Variants in NAALADL2 observed in about 807,000 individuals in gnomAD.
NAALADL2 encodes inactive N-acetylated-alpha-linked acidic dipeptidase-like protein 2.
Under a neutral mutation model 87.2 loss-of-function variants are expected in NAALADL2, and 76 were observed. The observed-to-expected ratio is 0.87, with a 90% CI of 0.72 to 1.05. The LOEUF (loss-of-function observed/expected upper bound fraction) is 1.05. NAALADL2 is among the 50% of genes least tolerant of loss of function. The probability of loss-of-function intolerance (pLI) is 0.00; values close to 1 mark genes in which losing one functional copy is unlikely to be tolerated. For missense variants in NAALADL2, 1,089 were observed against 945.8 expected, an observed-to-expected ratio of 1.15 and a Z score of -1.99; for synonymous variants, 354 against 331.0, an observed-to-expected ratio of 1.07 and a Z score of -0.75.
At chr3:175,016,965 A>AT (rs748980346) in intron 1 of NAALADL2, among the ~76,000 whole-genome samples, 6 of 151,948 alleles carry the variant, frequency 3.9e-5, no homozygotes, top group Admixed American at 2.0e-4. Flanking sequence ...ACAATAGATT[A>AT]TTTTTTACTA....
chr3:174,804,216 A>G lies in NAALADL2; in HGVS notation c.-9+66470A>G, dbSNP rs1719190977. Among the ~76,000 whole-genome samples, 8 of 152,084 alleles carry G rather than the reference A, an allele frequency of 5.3e-5. No individual in the cohort carries two copies. The South Asian group carries it at 1.7e-3, about 32-fold the overall frequency. On this transcript the variant is annotated intron_variant, in intron 3 of 3. Transcript: ENST00000434257. ...TGTAAGTTGTATTCCTAGGTATTTT[A>G]TTATCTTTGTAGTAATTGTGAATGG...
At chr3:174,539,878 G>C (rs1722058381) in intron 1 of NAALADL2, among the ~76,000 whole-genome samples, 1 of 144,688 alleles carries the variant, frequency 6.9e-6, no homozygotes, top group Non-Finnish European at 1.5e-5. Context: ...AAGATGCCAA[G>C]AGACATAGAG....
At chr3:174,469,303 G>A (rs1323712701) in intron 1 of NAALADL2, among the ~76,000 whole-genome samples, 3 of 151,426 alleles carry the variant, frequency 2.0e-5, no homozygotes, top group Non-Finnish European at 2.9e-5. Flanking sequence ...TGTCGCCCAG[G>A]CTGTAGTGCA....
intron 11 of NAALADL2, among the ~76,000 whole-genome samples, chr3:175,722,286 G>A (rs927514108): frequency 2.0e-5 from 3 of 152,036 alleles, no homozygotes; most frequent in Non-Finnish European, 2.9e-5. Flanking sequence ...AATTATAAAT[G>A]TATATTTAAG....
intron 2 of NAALADL2, among the ~76,000 whole-genome samples, chr3:175,191,147 G>A (rs963438066): frequency 2.0e-5 from 3 of 151,856 alleles, no homozygotes; most frequent in African/African-American, 7.3e-5. Flanking sequence ...AAGGAGGGAG[G>A]GCTAACTATG....
At chr3:175,352,761 A>T (rs1763912737) in intron 5 of NAALADL2, among the ~76,000 whole-genome samples, 1 of 152,208 alleles carries the variant, frequency 6.6e-6, no homozygotes, top group Non-Finnish European at 1.5e-5. Context: ...TAATAGATTT[A>T]AAAGAAAATA....
intron 12 of NAALADL2, among the ~76,000 whole-genome samples, chr3:175,742,126 T>C (rs562315683): frequency 2.0e-5 from 3 of 152,294 alleles, no homozygotes; most frequent in Non-Finnish European, 4.4e-5. Flanking sequence ...CCATCAGATA[T>C]GCATTTGTCT....
At chr3:174,979,432 A>T (rs1290700978) in intron 1 of NAALADL2, among the ~76,000 whole-genome samples, 1 of 150,356 alleles carries the variant, frequency 6.7e-6, no homozygotes, top group East Asian at 2.0e-4. Context: ...CAGTCTCCCA[A>T]GTAGCTGGGA....
At chr3:175,102,919 C>A (rs927488444) in intron 2 of NAALADL2, among the ~76,000 whole-genome samples, 9 of 151,978 alleles carry the variant, frequency 5.9e-5, no homozygotes, top group Non-Finnish European at 1.3e-4. Context: ...ACCATCCTGG[C>A]CAACATGGTG....
At chr3:174,710,629 T>C (rs551492213) in intron 2 of NAALADL2, among the ~76,000 whole-genome samples, 2 of 152,210 alleles carry the variant, frequency 1.3e-5, no homozygotes, top group South Asian at 2.1e-4. Context: ...ACAAGAAAGA[T>C]TTCAGGCAAA....
intron 2 of NAALADL2, among the ~76,000 whole-genome samples, chr3:174,584,821 G>T (rs532796999): frequency 1.5e-4 from 23 of 152,182 alleles, no homozygotes; most frequent in African/African-American, 5.3e-4. Context: ...ATTTCCCTTA[G>T]AACACAGTTC....
Position 175,234,162 on chromosome 3 carries a change from G to T in NAALADL2, c.777G>T (p.Leu259=), listed in dbSNP as rs745327025. ...CCAGAAAAGATAGCAGCCAAGACCT[G>T]CTCTATTCATATGCAGCCTATTCTG... The part of the protein sequence containing the change: ...EEARKDSSQD[L]LYSYAAYSAK... Residue 259 remains leucine, a synonymous_variant, in exon 3 of 14, where the codon CTG becomes CTT. Coordinates refer to ENST00000454872, the MANE Select transcript of NAALADL2 (RefSeq NM_207015.3). 1.9e-6 allele frequency: 3 copies of T among 1,613,828 alleles called. No individual in the cohort carries two copies. In the South Asian group the frequency reaches 3.3e-5, roughly 18 times the overall value.
intron 11 of NAALADL2, among the ~76,000 whole-genome samples, chr3:175,672,864 T>A (rs1014186239): frequency 2.4e-4 from 37 of 152,220 alleles, no homozygotes; most frequent in African/African-American, 7.7e-4. Flanking sequence ...CAATTTTGTG[T>A]AATTTATAAG....
At chr3:175,570,662 C>T (rs989575213) in intron 9 of NAALADL2, among the ~76,000 whole-genome samples, 1 of 151,994 alleles carries the variant, frequency 6.6e-6, no homozygotes, top group African/African-American at 2.4e-5. Flanking sequence ...GGGCGGATCA[C>T]GAGGTCAGGA....
chr3:174,527,004 A>G (rs1270635730), intron 1 of NAALADL2, among the ~76,000 whole-genome samples: 4 of 152,146 alleles, frequency 2.6e-5, no homozygotes, highest in African/African-American at 9.7e-5. Context: ...GTTTATCACT[A>G]AAATAACTTA....
chr3:175,105,157 A>G (rs1219676356), intron 2 of NAALADL2, among the ~76,000 whole-genome samples: 1 of 152,072 alleles, frequency 6.6e-6, no homozygotes, highest in Admixed American at 6.6e-5. Flanking sequence ...TGGAAATCTC[A>G]TTGATATCCC....
intron 11 of NAALADL2, among the ~76,000 whole-genome samples, chr3:175,670,646 A>G (rs1733878423): frequency 6.7e-6 from 1 of 149,308 alleles, no homozygotes. Context: ...TTCCTGCACC[A>G]ACAGGAATTT....
intron 11 of NAALADL2, among the ~76,000 whole-genome samples, chr3:175,682,920 C>T (rs961439948): frequency 6.6e-6 from 1 of 151,550 alleles, no homozygotes; most frequent in Admixed American, 6.6e-5. Context: ...AATGTCATAC[C>T]CTTGGGGAAA....
chr3:174,947,661 T>C, intron 1 of NAALADL2, among the ~76,000 whole-genome samples: 1 of 152,134 alleles, frequency 6.6e-6, no homozygotes, highest in South Asian at 2.1e-4. Flanking sequence ...AATCTTTTAT[T>C]TTTTTTCTTT....
Sources: allele counts gnomAD v4.1 joint callset (sites outside exome capture counted in the v4.1 genomes callset), GRCh38; gene constraint gnomAD v4.1.1; transcripts MANE v1.5; gene names NCBI Gene and HGNC (gene_info 2026-07-23, HGNC 2026-07-21).